UMAD1: variants seen among roughly 807,000 people sequenced by gnomAD.
The protein encoded by UMAD1 is UBAP1-MVB12-associated (UMA) domain containing 1.
UMAD1 carries 8 observed loss-of-function variants against 6.1 expected under a neutral mutation model. The ratio of observed to expected loss-of-function variants is 1.30; its 90% CI spans 0.76 to 2.35. The LOEUF (loss-of-function observed/expected upper bound fraction) is 2.35, where lower values mean the gene tolerates loss of function less well. Among genes scored for constraint, UMAD1 ranks in the 30% most tolerant of loss-of-function variants. The probability of loss-of-function intolerance (pLI) is 0.00; values close to 1 mark genes in which losing one functional copy is unlikely to be tolerated. For synonymous variants in UMAD1, 56 were observed against 31.4 expected (o/e 1.78, Z -2.61); for missense variants, 130 against 78.4 (o/e 1.66, Z -2.49).
intron 3 of UMAD1, among the ~76,000 whole-genome samples, chr7:7,839,475 A>T (rs1396441590): frequency 6.6e-6 from 1 of 152,164 alleles, no homozygotes; most frequent in Admixed American, 6.5e-5. Context: ...TCGGCCACCA[A>T]ACCCGGCCAG....
intron 1 of UMAD1, among the ~76,000 whole-genome samples, chr7:7,658,849 T>C (rs1330440994): frequency 6.6e-6 from 1 of 152,228 alleles, no homozygotes; most frequent in Non-Finnish European, 1.5e-5. Context: ...CCCCTTTTTT[T>C]CTATTGTTTG....
intron 2 of UMAD1, among the ~76,000 whole-genome samples, chr7:7,789,004 G>A (rs1413065453): frequency 2.6e-5 from 4 of 151,920 alleles, no homozygotes; most frequent in Non-Finnish European, 5.9e-5. Context: ...TTTGTAACTA[G>A]CAGTTTACAT....
chr7:7,793,053 C>T (rs978851787), intron 2 of UMAD1, among the ~76,000 whole-genome samples: 1 of 152,172 alleles, frequency 6.6e-6, no homozygotes, highest in Admixed American at 6.6e-5. Context: ...CACACACTTT[C>T]AGTCCATAGA....
At chr7:7,711,619 T>C (rs1223484401) in intron 2 of UMAD1, among the ~76,000 whole-genome samples, 2 of 152,162 alleles carry the variant, frequency 1.3e-5, no homozygotes, top group African/African-American at 4.8e-5. Context: ...GACATTTTTA[T>C]TTATGTTTAA....
chr7:7,871,360 TG>T (rs1221463968), intron 3 of UMAD1, among the ~76,000 whole-genome samples: 1 of 152,232 alleles, frequency 6.6e-6, no homozygotes, highest in East Asian at 1.9e-4. Flanking sequence ...ATGTCTGAAA[TG>T]TGCAGGATCT....
intron 3 of UMAD1, among the ~76,000 whole-genome samples, chr7:7,822,560 C>G (rs1260529036): frequency 3.3e-5 from 5 of 152,108 alleles, no homozygotes; most frequent in Admixed American, 3.3e-4. Flanking sequence ...CTATATCCCA[C>G]CAGCACACAG....
In UMAD1 at chr7:7,725,836, G is replaced by C. The variant is rs1781128962; in HGVS notation, c.82+52383G>C. On this transcript the variant is annotated intron_variant, in intron 2 of 3. Coordinates refer to ENST00000682710, the MANE Select transcript of UMAD1 (RefSeq NM_001302348.2). ...TTTGGGGAGTTCCCTATGATCAGTT[G>C]ACGTAGGAAGAGAAGACTAGGGTCT... 3.9e-5 allele frequency among the ~76,000 whole-genome samples: 6 copies of C among 152,300 alleles called. No individual in the cohort carries two copies. In the South Asian group the frequency reaches 1.2e-3, roughly 32 times the overall value.
rs187016287 is a variant in UMAD1, at chr7:7,877,418, G to C, written c.294G>C (p.Leu98=). ...DVPFTLAPHV[L]AVQGTITDLP... The stretch of plus-strand genomic sequence containing the variant: ...CGTTCACCCTGGCCCCGCATGTGCT[G>C]GCAGTACAGGGCACCATCACTGACC... Residue 98 remains leucine, a synonymous_variant, in exon 4 of 4, where the codon CTG becomes CTC. Coordinates refer to ENST00000682710, the MANE Select transcript of UMAD1 (RefSeq NM_001302348.2). The C allele has an allele frequency of 2.0e-4, 142 of 717,702 alleles. No individual in the cohort carries two copies. Among genetic ancestry groups the C allele is most frequent in the Non-Finnish European group, 7.8e-6 (3 of 385,148 alleles). The allele number at this position is 717,702 out of a possible 1,614,324, so 44.5% of individuals were successfully genotyped here. A position where few individuals can be genotyped will look rare whatever the true frequency, so the allele number is the denominator to read the frequency against.
At chr7:7,874,149 G>A (rs563454072) in intron 3 of UMAD1, among the ~76,000 whole-genome samples, 2 of 152,200 alleles carry the variant, frequency 1.3e-5, no homozygotes, top group Admixed American at 6.5e-5. Flanking sequence ...CCTTAACTGT[G>A]CTCTTGTTCT....
intron 2 of UMAD1, among the ~76,000 whole-genome samples, chr7:7,783,763 A>C (rs1363345595): frequency 1.3e-5 from 2 of 152,212 alleles, no homozygotes; most frequent in African/African-American, 4.8e-5. Flanking sequence ...AAAAACTAAC[A>C]ACAAAAAACT....
At chr7:7,786,791 G>A (rs1027894597) in intron 2 of UMAD1, among the ~76,000 whole-genome samples, 1 of 152,170 alleles carries the variant, frequency 6.6e-6, no homozygotes, top group Non-Finnish European at 1.5e-5. Flanking sequence ...CTCACAGAGT[G>A]AAGAGAGAAC....
intron 2 of UMAD1, among the ~76,000 whole-genome samples, chr7:7,719,225 C>T (rs1192217048): frequency 3.9e-5 from 6 of 152,096 alleles, no homozygotes; most frequent in African/African-American, 7.2e-5. Context: ...GAGAGGATAA[C>T]AAATGTGTGA....
intron 2 of UMAD1, among the ~76,000 whole-genome samples, chr7:7,726,150 A>C (rs1781133901): frequency 6.6e-6 from 1 of 152,174 alleles, no homozygotes; most frequent in Non-Finnish European, 1.5e-5. Context: ...TGGGGAAGAG[A>C]TATGTGGATG....
intron 3 of UMAD1, among the ~76,000 whole-genome samples, chr7:7,827,137 A>ATGTGTGTGTGTGTGTGTGTGTGTGTGTG (rs374866603): frequency 7.7e-6 from 1 of 129,548 alleles, no homozygotes; most frequent in Non-Finnish European, 1.6e-5. Context: ...ATATATATAT[A>ATGTGTGTGTGTGTGTGTGTGTGTGTGTG]TATATATATA....
chr7:7,784,848 G>A (rs557367654), intron 2 of UMAD1, among the ~76,000 whole-genome samples: 6 of 129,188 alleles, frequency 4.6e-5, no homozygotes, highest in Non-Finnish European at 7.8e-5. Context: ...TGCAGGCTCC[G>A]CCCCCTGGGG....
intron 3 of UMAD1, among the ~76,000 whole-genome samples, chr7:7,843,229 C>A (rs922458986): frequency 2.0e-5 from 3 of 152,138 alleles, no homozygotes. Flanking sequence ...AGGTCAATTG[C>A]TTTAGCATGT....
At chr7:7,748,524 T>A (rs1541550) in intron 2 of UMAD1, among the ~76,000 whole-genome samples, 1 of 151,962 alleles carries the variant, frequency 6.6e-6, no homozygotes, top group African/African-American at 2.4e-5. Context: ...TGTAATTTTT[T>A]GAGGGGATCA....
chr7:7,766,189 CTGTT>C (rs1292433180), intron 2 of UMAD1, among the ~76,000 whole-genome samples: 1 of 152,156 alleles, frequency 6.6e-6, no homozygotes. Flanking sequence ...ATTTACTTGT[CTGTT>C]TTTCTCCCAG....
chr7:7,847,985 G>A (rs745884230), intron 3 of UMAD1, among the ~76,000 whole-genome samples: 5 of 151,982 alleles, frequency 3.3e-5, no homozygotes, highest in Non-Finnish European at 5.9e-5. Flanking sequence ...TTGATGTATC[G>A]AACCAATATG....
Sources: gnomAD v4.1 joint callset for allele counts (sites outside exome capture counted in the v4.1 genomes callset) on GRCh38, gnomAD v4.1.1 for gene constraint, MANE v1.5 for transcripts, NCBI Gene and HGNC (gene_info 2026-07-23, HGNC 2026-07-21) for gene names.